PXK: variants seen among roughly 807,000 people sequenced by gnomAD.
PXK encodes PX domain-containing protein kinase-like protein.
PXK carries 35 observed loss-of-function variants against 84.7 expected under a neutral mutation model. That is an observed-to-expected ratio of 0.41 (90% CI 0.32 to 0.55). The LOEUF (loss-of-function observed/expected upper bound fraction) is 0.55. Among genes scored for constraint, PXK ranks in the 20% least tolerant of loss-of-function variants. The pLI is 0.21. For synonymous variants in PXK, 253 were observed against 260.8 expected (o/e 0.97, Z 0.29); for missense variants, 634 against 699.7 (o/e 0.91, Z 1.06).
At chr3:58,391,984 G>A (rs1030637872) in intron 7 of PXK, 137 bp downstream of exon 7, 6 of 731,342 alleles carry the variant, frequency 8.2e-6, no homozygotes, top group Middle Eastern at 2.4e-4. Context: ...AATTGTGTAG[G>A]GCTAATCTCT....
chr3:58,422,671 C>CA, intron 17 of PXK: 1 of 985,392 alleles, frequency 1.0e-6, no homozygotes, highest in South Asian at 4.7e-5. Flanking sequence ...GTAATGACGC[C>CA]AAAACCAAGG....
At chr3:58,406,116 G>A (rs2059366815) in intron 13 of PXK, among the ~76,000 whole-genome samples, 1 of 151,768 alleles carries the variant, frequency 6.6e-6, no homozygotes, top group African/African-American at 2.4e-5. Flanking sequence ...ACAAGCATGC[G>A]CCACCACGCC....
At position 58,395,122 on chromosome 3, in the gene PXK, G is replaced by A. The variant is rs1474963370; in HGVS notation, c.720+20G>A. 13 of 1,553,696 alleles carry A rather than the reference G, an allele frequency of 8.4e-6. 2 individuals carry two copies. In the South Asian group the frequency reaches 1.3e-4, roughly 16 times the overall value. On this transcript the variant is annotated intron_variant, in intron 8 of 17. Transcript: ENST00000356151. ...TACAAGGTACCTGTGCAAGTTCATG[G>A]TCATAAGGAATTCTCAAGTTCCTTT... is the stretch of plus-strand genomic sequence containing the variant.
At chr3:58,341,211 C>T (rs1395562195) in intron 1 of PXK, among the ~76,000 whole-genome samples, 1 of 152,156 alleles carries the variant, frequency 6.6e-6, no homozygotes, top group East Asian at 1.9e-4. Flanking sequence ...GTCTTCAGCT[C>T]ACCTTGCTGA....
In PXK at chr3:58,391,158, A is replaced by G; in HGVS notation, c.478A>G (p.Arg160Gly). Residue 160 changes from arginine (R) to glycine (G), a missense_variant, in exon 6 of 18, where the codon AGG becomes GGG. By Grantham distance (125) the Arg-to-Gly change is moderately radical (BLOSUM62 -2). Coordinates refer to ENST00000356151, the MANE Select transcript of PXK (RefSeq NM_017771.5). ...EPLKDIGWRI[R>G]KKYFLMKIKN... ...TGCTTTTATGGCAGGTTGGAGAATAAGGAAGAAATATTTCTTGATGAAGAT... is the reference window on the plus strand; with the variant it reads ...TGCTTTTATGGCAGGTTGGAGAATAGGGAAGAAATATTTCTTGATGAAGAT... 6.2e-7 allele frequency: 1 copy of G among 1,613,322 alleles called. No homozygotes were observed. The highest frequency in any genetic ancestry group is 1.1e-5 in the South Asian group (1 of 91,032).
rs1177086659 is a variant in PXK at position 58,395,048 on chromosome 3, G to A, written c.666G>A (p.Ala222=). ...TTGCCACAGCTAATGAATCCTCAGCGTTGCTAATTAGGATGTTTAACGAAA... is the reference window on the plus strand; with the variant it reads ...TTGCCACAGCTAATGAATCCTCAGCATTGCTAATTAGGATGTTTAACGAAA... ...VTFATANESS[A]LLIRMFNEKG... is the part of the protein sequence containing the mutation. Residue 222 remains alanine, a synonymous_variant, in exon 8 of 18, where the codon GCG becomes GCA. Coordinates refer to ENST00000356151, the MANE Select transcript of PXK (RefSeq NM_017771.5). The A allele has an allele frequency of 1.1e-5, 18 of 1,613,568 alleles. No individual in the cohort carries two copies. The highest frequency in any genetic ancestry group is 6.7e-5 in the Admixed American group (4 of 59,992).
intron 17 of PXK, among the ~76,000 whole-genome samples, chr3:58,417,458 G>A (rs1263216404): frequency 6.6e-6 from 1 of 152,110 alleles, no homozygotes; most frequent in East Asian, 1.9e-4. Flanking sequence ...AAGGGTTGGG[G>A]CCCCTCCCTT....
intron 1 of PXK, among the ~76,000 whole-genome samples, chr3:58,357,787 TAA>T (rs1185776641): frequency 6.6e-6 from 1 of 151,986 alleles, no homozygotes; most frequent in East Asian, 1.9e-4. Flanking sequence ...CCATCTCTAC[TAA>T]AAATACAAAA....
chr3:58,403,710 T>A, intron 12 of PXK, 152 bp from the exon 13 acceptor site: 1 of 410,760 alleles, frequency 2.4e-6, no homozygotes, highest in East Asian at 3.5e-5. Flanking sequence ...CATTTGTTAA[T>A]GAACATGGAA....
intron 13 of PXK, among the ~76,000 whole-genome samples, chr3:58,405,852 G>T (rs779602667): frequency 1.3e-5 from 2 of 152,034 alleles, no homozygotes; most frequent in Non-Finnish European, 2.9e-5. Context: ...AGGGAAAGCT[G>T]GGAAAGTTTA....
At chr3:58,382,103 G>T (rs1307773606) in intron 3 of PXK, among the ~76,000 whole-genome samples, 1 of 152,160 alleles carries the variant, frequency 6.6e-6, no homozygotes, top group Non-Finnish European at 1.5e-5. Flanking sequence ...ATCACTTGAG[G>T]TCAGGAGTTT....
intron 13 of PXK, among the ~76,000 whole-genome samples, chr3:58,404,929 GA>G (rs11447785): frequency 2.0e-5 from 3 of 151,894 alleles, no homozygotes; most frequent in African/African-American, 7.3e-5. Flanking sequence ...AAGTAGGAGA[GA>G]AAAAAACATT....
Position 58,399,497 on chromosome 3 carries a change from C to A in PXK, c.1181+120C>A. The A allele has an allele frequency of 9.9e-7, 1 of 1,012,504 alleles. No individual in the cohort carries two copies. The highest frequency in any genetic ancestry group is 1.5e-6 in the Non-Finnish European group (1 of 664,284). The allele number at this position is 1,012,504 out of a possible 1,614,324, so 62.7% of individuals were successfully genotyped here. A position where few individuals can be genotyped will look rare whatever the true frequency, so the allele number is the denominator to read the frequency against. ...GCGGTCCCTGCAGAGTTGGCGTGGCCTGCTTGCTGATGGGCACTTGCAGCA... is the reference window on the plus strand; with the variant it reads ...GCGGTCCCTGCAGAGTTGGCGTGGCATGCTTGCTGATGGGCACTTGCAGCA... On this transcript the variant is annotated intron_variant, in intron 12 of 17. Transcript: ENST00000356151. This position sits in a 1 kb window ranked among gnomAD's most constrained non-coding sequence, Gnocchi z 4.3.
rs1172477709 is a variant in PXK, at chr3:58,411,258, A to G, written c.1465+1099A>G. On this transcript the variant is annotated intron_variant, in intron 16 of 17. Transcript: ENST00000356151. The surrounding 1 kb of genome is among the most constrained non-coding windows in gnomAD (Gnocchi z 4.2). ...GCCACAGCTGGAGAATGCAAGTGGC[A>G]TGACCAGAGCTGGAGATTGGCAGCC... Among the ~76,000 whole-genome samples the G allele has an allele frequency of 6.6e-6, 1 of 152,208 alleles. No homozygotes were observed. The highest frequency in any genetic ancestry group is 2.4e-5 in the African/African-American group (1 of 41,456).
chr3:58,354,647 A>C (rs2098027571), intron 1 of PXK, among the ~76,000 whole-genome samples: 4 of 151,828 alleles, frequency 2.6e-5, no homozygotes, highest in Admixed American at 2.6e-4. Context: ...TGGGGGTTTC[A>C]TCATGTTGGC....
At chr3:58,345,880 C>T (rs1328923193) in intron 1 of PXK, among the ~76,000 whole-genome samples, 4 of 152,144 alleles carry the variant, frequency 2.6e-5, no homozygotes, top group African/African-American at 7.2e-5. Context: ...TGGGGCACCT[C>T]GTTGTTCATC....
intron 13 of PXK, among the ~76,000 whole-genome samples, chr3:58,405,386 A>G (rs1211842288): frequency 6.6e-6 from 1 of 152,136 alleles, no homozygotes; most frequent in Non-Finnish European, 1.5e-5. Context: ...AAGCTAATAA[A>G]TTAAGAAATG....
At chr3:58,413,026 C>CCTCT (rs1003208068) in intron 17 of PXK, 63 bp downstream of exon 17, 49 of 1,545,448 alleles carry the variant, frequency 3.2e-5, no homozygotes, top group Non-Finnish European at 3.9e-5. Flanking sequence ...GCGGGCTGTG[C>CCTCT]CTCTTCCTGC....
In PXK at chr3:58,412,875, G is replaced by A; in HGVS notation, c.1466-26G>A. On this transcript the variant is annotated intron_variant, in intron 16 of 17. Coordinates refer to ENST00000356151, the MANE Select transcript of PXK (RefSeq NM_017771.5). The surrounding 1 kb of genome is among the most constrained non-coding windows in gnomAD (Gnocchi z 6.2). Reference sequence around the variant, plus strand: ...CCAAATGTCTTTCGTTGGTCCCCATGAGGGTTTCTCTGTGTTTTATCTTAG... The same window carrying A: ...CCAAATGTCTTTCGTTGGTCCCCATAAGGGTTTCTCTGTGTTTTATCTTAG... 6.2e-7 allele frequency: 1 copy of A among 1,613,632 alleles called. No homozygotes were observed. Among genetic ancestry groups the A allele is most frequent in the South Asian group, 1.1e-5 (1 of 91,064 alleles).
Sources: gnomAD v4.1 joint callset for allele counts (sites outside exome capture counted in the v4.1 genomes callset) on GRCh38, gnomAD v4.1.1 for gene constraint, Gnocchi (gnomAD v3.1) non-coding constraint, MANE v1.5 for transcripts, NCBI Gene and HGNC (gene_info 2026-07-23, HGNC 2026-07-21) for gene names.